Variants in LIPC observed in about 807,000 individuals in gnomAD.
LIPC encodes the protein hepatic triacylglycerol lipase.
In LIPC, 44 loss-of-function variants were observed where a neutral mutation model predicts 50.7. That is an observed-to-expected ratio of 0.87 (90% CI 0.68 to 1.11). The LOEUF is 1.11. Among genes scored for constraint, LIPC ranks in the 50% most tolerant of loss-of-function variants. The pLI, the probability that LIPC is intolerant of heterozygous loss-of-function variation, is 0.00. For missense variants in LIPC, 697 were observed against 648.2 expected (o/e 1.08, Z -0.82); for synonymous variants, 271 against 256.4 (o/e 1.06, Z -0.54).
chr15:58,465,443 T>A (rs1466664136), intron 1 of LIPC, among the ~76,000 whole-genome samples: 1 of 152,162 alleles, frequency 6.6e-6, no homozygotes, highest in African/African-American at 2.4e-5. Context: ...AAATTCCACA[T>A]GAACAACAGA....
intron 1 of LIPC, among the ~76,000 whole-genome samples, chr15:58,524,300 T>C (rs1333859170): frequency 1.3e-5 from 2 of 152,240 alleles, no homozygotes; most frequent in East Asian, 3.8e-4. Flanking sequence ...CTGCAAAGTA[T>C]TCCATTGAGG....
chr15:58,463,329 G>C (rs1223316819), intron 1 of LIPC, among the ~76,000 whole-genome samples: 1 of 152,186 alleles, frequency 6.6e-6, no homozygotes, highest in African/African-American at 2.4e-5. Context: ...GTGAGCTCTG[G>C]GGCCTCGGGA....
intron 1 of LIPC, chr15:58,498,787 G>A (rs1019026045): frequency 2.0e-5 from 3 of 152,344 alleles, no homozygotes; most frequent in Admixed American, 2.0e-4. Flanking sequence ...TAGCTCTGCA[G>A]TAACTTCAGG....
At chr15:58,563,756 A>T (rs1277360650) in intron 8 of LIPC, 33 bp downstream of exon 8, 15 of 1,562,240 alleles carry the variant, frequency 9.6e-6, no homozygotes, top group Non-Finnish European at 1.3e-5. Flanking sequence ...ATTAACGTCC[A>T]TTAAGCACCC....
At chr15:58,557,379 C>CTTTTTTTTTTTTTTTTTTTTTTT (rs386383140) in intron 6 of LIPC, among the ~76,000 whole-genome samples, 3 of 75,702 alleles carry the variant, frequency 4.0e-5, no homozygotes, top group African/African-American at 5.4e-5. Flanking sequence ...ATTATATGCT[C>CTTTTTTTTTTTTTTTTTTTTTTT]TTTTTTTTTT....
Position 58,567,278 on chromosome 15 carries a change from TGTGTATATATATATAC to T in LIPC, c.1389-1437_1389-1422del, listed in dbSNP as rs1195974076. On this transcript the variant is annotated intron_variant, in intron 8 of 8. Transcript: ENST00000299022. ...ATATATATGTATATGTGTGTGTGTG[TGTGTATATATATATAC>T]ATATATATATACATATATATGTATA... Among the ~76,000 whole-genome samples, 823 of 82,780 alleles carry T rather than the reference TGTGTATATATATATAC, an allele frequency of 9.9e-3. 12 individuals are homozygous for T. Among genetic ancestry groups the T allele is most frequent in the African/African-American group, 0.036 (786 of 22,058 alleles). The allele number at this position is 82,780 out of a possible 152,430, so 54.3% of individuals were successfully genotyped here. A position where few individuals can be genotyped will look rare whatever the true frequency, so the allele number is the denominator to read the frequency against.
intron 1 of LIPC, among the ~76,000 whole-genome samples, chr15:58,488,065 G>A (rs1161654563): frequency 2.0e-5 from 3 of 152,238 alleles, no homozygotes; most frequent in African/African-American, 7.2e-5. Flanking sequence ...GAGGTCAGGA[G>A]GTCAAGGCCA....
chr15:58,451,744 G>A (rs1406440471), intron 1 of LIPC, among the ~76,000 whole-genome samples: 3 of 152,212 alleles, frequency 2.0e-5, no homozygotes, highest in Non-Finnish European at 4.4e-5. Flanking sequence ...GACTGGCTGT[G>A]AGGCACGAGG....
intron 1 of LIPC, chr15:58,456,335 T>A (rs557091532): frequency 6.6e-6 from 1 of 152,358 alleles, no homozygotes; most frequent in East Asian, 1.9e-4. Flanking sequence ...TTAAATAAAT[T>A]GCTCTGTGTG....
chr15:58,497,002 G>T (rs1221162091), intron 1 of LIPC, among the ~76,000 whole-genome samples: 2 of 152,148 alleles, frequency 1.3e-5, no homozygotes, highest in African/African-American at 4.8e-5. Context: ...AGTAAATCTT[G>T]ATTGATGGAC....
At chr15:58,552,465 C>T (rs1893798934) in intron 6 of LIPC, among the ~76,000 whole-genome samples, 1 of 152,206 alleles carries the variant, frequency 6.6e-6, no homozygotes, top group Non-Finnish European at 1.5e-5. Context: ...TCCTCTCTGC[C>T]CTCCTTCCAC....
chr15:58,469,362 C>A (rs1481741284), intron 1 of LIPC, among the ~76,000 whole-genome samples: 1 of 152,178 alleles, frequency 6.6e-6, no homozygotes, highest in East Asian at 1.9e-4. Context: ...TCTTGGCCCA[C>A]TTGGGTCTCA....
chr15:58,503,771 G>A (rs1370717951), intron 1 of LIPC, among the ~76,000 whole-genome samples: 2 of 152,176 alleles, frequency 1.3e-5, no homozygotes, highest in Admixed American at 6.5e-5. Flanking sequence ...AGTGTCTGAG[G>A]GCAAGTCACC....
intron 1 of LIPC, among the ~76,000 whole-genome samples, chr15:58,463,193 T>G (rs1420859738): frequency 6.6e-6 from 1 of 152,208 alleles, no homozygotes; most frequent in Non-Finnish European, 1.5e-5. Context: ...CTGACTGCTC[T>G]GTTCTCATCT....
At chr15:58,509,615 C>T (rs1315689228) in intron 1 of LIPC, among the ~76,000 whole-genome samples, 1 of 151,878 alleles carries the variant, frequency 6.6e-6, no homozygotes, top group Non-Finnish European at 1.5e-5. Context: ...TTTTTTTTAA[C>T]ATATAATAGC....
chr15:58,436,418 T>C (rs1241658901), intron 1 of LIPC: 3 of 246,428 alleles, frequency 1.2e-5, no homozygotes, highest in Non-Finnish European at 2.4e-5. Context: ...TCTTGTTTGA[T>C]AGGTAAAAAT....
At chr15:58,494,693 A>G (rs1416173116) in intron 1 of LIPC, 3 of 450,682 alleles carry the variant, frequency 6.7e-6, no homozygotes, top group African/African-American at 2.0e-5. Context: ...CCAGCGTCAG[A>G]TAATGAAGTT....
chr15:58,563,448 C>T (rs1167187823), intron 7 of LIPC, 57 bp from the exon 8 acceptor site: 5 of 1,403,598 alleles, frequency 3.6e-6, no homozygotes, highest in South Asian at 1.2e-5. Context: ...TGTGTGTGAC[C>T]GTCACTTTGC....
chr15:58,553,999 A>G (rs541908797), intron 6 of LIPC, among the ~76,000 whole-genome samples: 141 of 145,598 alleles, frequency 9.7e-4, no homozygotes, highest in Middle Eastern at 3.7e-3. Flanking sequence ...ACGGAGGGGG[A>G]AAAAAAAAAA....
Sources: allele counts gnomAD v4.1 joint callset (sites outside exome capture counted in the v4.1 genomes callset), GRCh38; gene constraint gnomAD v4.1.1; transcripts MANE v1.5; gene names NCBI Gene and HGNC (gene_info 2026-07-23, HGNC 2026-07-21).